INPPL1: variants seen among roughly 807,000 people sequenced by gnomAD.
INPPL1 encodes the protein inositol polyphosphate phosphatase like 1.
INPPL1 carries 91 observed loss-of-function variants against 139.3 expected under a neutral mutation model. The ratio of observed to expected loss-of-function variants is 0.65; its 90% confidence interval spans 0.55 to 0.78. INPPL1 has a LOEUF of 0.78. Among genes scored for constraint, INPPL1 ranks in the 30% least tolerant of loss-of-function variants. The probability of loss-of-function intolerance (pLI) is 0.00; values close to 1 mark genes in which losing one functional copy is unlikely to be tolerated. For synonymous variants in INPPL1, 719 were observed against 686.6 expected (o/e 1.05, Z -0.74); for missense variants, 1,411 against 1,665.6 (o/e 0.85, Z 2.66).
chr11:72,233,790 G>C, intron 19 of INPPL1, 46 bp downstream of exon 19: 4 of 1,515,912 alleles, frequency 2.6e-6, no homozygotes, highest in Non-Finnish European at 3.7e-6. Context: ...ATCTAGGTGG[G>C]CACAGGTGGT....
chr11:72,228,758 G>A lies in INPPL1; in HGVS notation c.429G>A (p.Pro143=), dbSNP rs1395743682. The A allele has an allele frequency of 1.6e-5, 25 of 1,610,124 alleles. No homozygotes were observed. The highest frequency in any genetic ancestry group is 2.2e-5 in the South Asian group (2 of 90,600). ...DGEDEKPPLP[P]RSGSTSISAP... ...AGGATGAGAAGCCCCCGCTGCCCCC[G>A]CGCTCTGGCTCCACCAGCATTTCTG... is the stretch of plus-strand genomic sequence containing the variant. Residue 143 remains proline, a synonymous_variant, in exon 4 of 28, where the codon CCG becomes CCA. Coordinates refer to ENST00000298229, the MANE Select transcript of INPPL1 (RefSeq NM_001567.4). The surrounding 1 kb of genome is among the most constrained non-coding windows in gnomAD (Gnocchi z 5.0).
rs375244484 is a variant in INPPL1 at position 72,237,252 on chromosome 11, C to T, written c.3008C>T (p.Ser1003Leu). The change falls in exon 26 of 28, where the codon TCG becomes TTG. Residue 1003 changes from serine to leucine, a missense_variant. Ser to Leu is a moderately radical substitution (Grantham distance 145). Around this residue, in one of 5 missense-constraint regions of INPPL1, gnomAD observed 438 missense variants for 425.7 expected, o/e 1.03. Coordinates refer to ENST00000298229, the MANE Select transcript of INPPL1 (RefSeq NM_001567.4). ...CAGCTGCTGCCCCCGGAGCCACCCT[C>T]GCCTGCCAGGGCCCCTGTCCCATCT... ...PHQLLPPEPP[S>L]PARAPVPSAT... is the part of the protein sequence containing the mutation. The T allele has an allele frequency of 1.9e-5, 31 of 1,614,026 alleles. No individual in the cohort carries two copies. The highest frequency in any genetic ancestry group is 1.8e-5 in the Non-Finnish European group (21 of 1,180,020).
At chr11:72,226,448 T>A (rs1042694958) in intron 1 of INPPL1, among the ~76,000 whole-genome samples, 1 of 152,108 alleles carries the variant, frequency 6.6e-6, no homozygotes, top group Non-Finnish European at 1.5e-5. Context: ...CTCAAAGTGC[T>A]AGGATTACAG....
intron 9 of INPPL1, 29 bp from the exon 10 acceptor site, chr11:72,230,333 G>A (rs760723861): frequency 6.2e-7 from 1 of 1,613,738 alleles, no homozygotes; most frequent in Admixed American, 1.7e-5. Flanking sequence ...AGGGGCACAG[G>A]CCCATGTGAC....
Position 72,230,800 on chromosome 11 carries a change from G to A in INPPL1, c.1202G>A (p.Arg401Gln), listed in dbSNP as rs1204907315. The A allele has an allele frequency of 9.3e-6, 15 of 1,613,776 alleles. No homozygotes were observed. The highest frequency in any genetic ancestry group is 4.5e-5 in the East Asian group (2 of 44,850). Residue 401 changes from arginine (R) to glutamine (Q), a missense_variant, in exon 11 of 28, where the codon CGG (arginine) becomes CAG (glutamine). By Grantham distance (43) the Arg-to-Gln change is conservative. Coordinates refer to ENST00000298229, the MANE Select transcript of INPPL1 (RefSeq NM_001567.4). ...GAGTGGCTGCTGTTCCCCCAGAAGC[G>A]GGAGGCCTTCTGCCAGCTGTTGCAG... The part of the protein sequence containing the change: ...KDFIFVSARK[R>Q]EAFCQLLQLM...
In INPPL1 at chr11:72,238,396, G is replaced by C. The variant is rs780216977; in HGVS notation, c.*43G>C. 7 of 1,479,850 alleles carry C rather than the reference G, an allele frequency of 4.7e-6. No individual in the cohort carries two copies. In the East Asian group the frequency reaches 1.7e-4, roughly 36 times the overall value. 91.7% of individuals were successfully genotyped at this position (1,479,850 alleles called of 1,614,324 possible). On this transcript the variant is annotated 3_prime_UTR_variant, in exon 28 of 28. Transcript: ENST00000298229. ...AGCTGTGAACTCAGAGCCCCTCCCT[G>C]CTACCAAGGCCCAGCTATGGCCCCA... is the stretch of plus-strand genomic sequence containing the variant.
chr11:72,229,161 T>C lies in INPPL1; in HGVS notation c.590T>C (p.Val197Ala). 6.2e-7 allele frequency: 1 copy of C among 1,613,858 alleles called. No individual in the cohort carries two copies. The highest frequency in any genetic ancestry group is 8.5e-7 in the Non-Finnish European group (1 of 1,179,920). ...AGCTATGGGCTGGACCTGGAAGCTG[T>C]GAGGGGTGGAGCCAGCCACCTGCCC... is the stretch of plus-strand genomic sequence containing the variant. The part of the protein sequence containing the change: ...KGSYGLDLEA[V>A]RGGASHLPHL... The change falls in exon 5 of 28, where the codon GTG becomes GCG. Residue 197 changes from valine to alanine, a missense_variant. Coordinates refer to ENST00000298229, the MANE Select transcript of INPPL1 (RefSeq NM_001567.4).
Position 72,234,914 on chromosome 11 carries a change from T to TA in INPPL1, c.2416-201dup, listed in dbSNP as rs989841847. Among the ~76,000 whole-genome samples, 3 of 151,702 alleles carry TA rather than the reference T, an allele frequency of 2.0e-5. No individual in the cohort carries two copies. Among genetic ancestry groups the TA allele is most frequent in the African/African-American group, 7.3e-5 (3 of 41,324 alleles). On this transcript the variant is annotated intron_variant, in intron 21 of 27. Transcript: ENST00000298229. This position sits in a 1 kb window ranked among gnomAD's most constrained non-coding sequence, Gnocchi z 4.2. ...TTAGCTATTGAGAAAATTAATTAGTTACAGTGATGCTAGGTGCTGTAAAAG... is the reference window on the plus strand; with the variant it reads ...TTAGCTATTGAGAAAATTAATTAGTTAACAGTGATGCTAGGTGCTGTAAAAG...
At chr11:72,232,437 T>C (rs1433828226) in intron 14 of INPPL1, 101 bp downstream of exon 14, 6 of 1,247,594 alleles carry the variant, frequency 4.8e-6, no homozygotes, top group Non-Finnish European at 6.8e-6. Context: ...CGCAGGCCTG[T>C]CTCCAGAGAC....
At chr11:72,231,341 T>A (rs1013668692) in intron 12 of INPPL1, 152 bp downstream of exon 12, 4 of 943,898 alleles carry the variant, frequency 4.2e-6, no homozygotes, top group African/African-American at 1.6e-5. Context: ...CCTGAGTCCT[T>A]CATGCCACGA....
Position 72,238,479 on chromosome 11 carries a change from T to C in INPPL1, c.*126T>C. 1 of 716,208 alleles carries C rather than the reference T, an allele frequency of 1.4e-6. No homozygotes were observed. Among genetic ancestry groups the C allele is most frequent in the Non-Finnish European group, 2.2e-6 (1 of 464,674 alleles). The allele number at this position is 716,208 out of a possible 1,614,324, so 44.4% of individuals were successfully genotyped here. A position where few individuals can be genotyped will look rare whatever the true frequency, so the allele number is the denominator to read the frequency against. On this transcript the variant is annotated 3_prime_UTR_variant, in exon 28 of 28. Transcript: ENST00000298229. ...CTCTCTGCCTATTTATTGGGGTGCC[T>C]ATTTATTGGGGATCTGCATTCCCCG...
At chr11:72,233,242 C>T in intron 17 of INPPL1, 79 bp downstream of exon 17, 1 of 1,296,414 alleles carries the variant, frequency 7.7e-7, no homozygotes. Context: ...GGGTATGGGC[C>T]TCTGCAGCTT....
At chr11:72,232,077 C>A (rs1040913360) in intron 13 of INPPL1, among the ~76,000 whole-genome samples, 163 bp from the exon 14 acceptor site, 4 of 152,184 alleles carry the variant, frequency 2.6e-5, no homozygotes, top group Non-Finnish European at 4.4e-5. Context: ...AGGACCCCCC[C>A]CTCCCCCAGG....
intron 13 of INPPL1, among the ~76,000 whole-genome samples, chr11:72,231,884 T>C (rs543303658): frequency 5.3e-5 from 8 of 152,074 alleles, no homozygotes; most frequent in Non-Finnish European, 1.2e-4. Context: ...AGCAAGTAAG[T>C]GGTGGAGCCA....
Position 72,235,615 on chromosome 11 carries a change from G to T in INPPL1, c.2660-60G>T. 1 of 1,599,350 alleles carries T rather than the reference G, an allele frequency of 6.3e-7. No individual in the cohort carries two copies. The highest frequency in any genetic ancestry group is 8.6e-7 in the Non-Finnish European group (1 of 1,168,754). On this transcript the variant is annotated intron_variant, in intron 23 of 27. Transcript: ENST00000298229. The surrounding 1 kb of genome is among the most constrained non-coding windows in gnomAD (Gnocchi z 4.9). ...CTGGGAAAGGGCTGGCAGGCCCACT[G>T]GGTGTCTGTGGGATCCAGGAGCCCA...
rs200602515 is a variant in INPPL1, at chr11:72,237,758, C to G, written c.3514C>G (p.Arg1172Gly). The change falls in exon 26 of 28, where the codon CGC (arginine) becomes GGC (glycine). Residue 1172 changes from arginine (R) to glycine (G), a missense_variant. By Grantham distance (125) the Arg-to-Gly change is moderately radical. Around this residue, in one of 5 missense-constraint regions of INPPL1, gnomAD observed 438 missense variants for 425.7 expected, o/e 1.03. Coordinates refer to ENST00000298229, the MANE Select transcript of INPPL1 (RefSeq NM_001567.4). ...YGRPLSFPPP[R>G]IRESIQEDLA... ...CCGGCCCCTCAGCTTCCCTCCACCC[C>G]GCATCCGGGAGAGCATCCAGGAAGA... 3 of 1,610,584 alleles carry G rather than the reference C, an allele frequency of 1.9e-6. No individual in the cohort carries two copies. The highest frequency in any genetic ancestry group is 2.7e-5 in the African/African-American group (2 of 74,982).
Position 72,225,008 on chromosome 11 carries a change from G to A in INPPL1, c.24G>A (p.Pro8=). 8.3e-7 allele frequency: 1 copy of A among 1,208,268 alleles called. No individual in the cohort carries two copies. 74.8% of individuals were successfully genotyped at this position (1,208,268 alleles called of 1,614,324 possible). A position where few individuals can be genotyped will look rare whatever the true frequency, so the allele number is the denominator to read the frequency against. The change falls in exon 1 of 28, where the codon CCG becomes CCA. Residue 8 remains proline (P), a synonymous_variant. Coordinates refer to ENST00000298229, the MANE Select transcript of INPPL1 (RefSeq NM_001567.4). MASACGA[P]GPGGALGSQA... is the part of the protein sequence containing the mutation. ...CCATGGCCTCGGCCTGCGGGGCGCC[G>A]GGCCCGGGGGGCGCCCTGGGCAGCC... is the stretch of plus-strand genomic sequence containing the variant.
In INPPL1 at chr11:72,233,605, G is replaced by A. The variant is rs761293219; in HGVS notation, c.2123-50G>A. ...GCCCTAACCTTGGGAGGTGGGAGCC[G>A]AGGGTGGGAATATTCCCCCTGAGTC... On this transcript the variant is annotated intron_variant, in intron 18 of 27. Transcript: ENST00000298229. 8.0e-5 allele frequency: 129 copies of A among 1,606,592 alleles called. 1 individual carries two copies. Among genetic ancestry groups the A allele is most frequent in the Admixed American group, 2.3e-4 (14 of 59,986 alleles).
Position 72,238,437 on chromosome 11 carries a change from G to A in INPPL1, c.*84G>A. On this transcript the variant is annotated 3_prime_UTR_variant, in exon 28 of 28. Transcript: ENST00000298229. ...TATGGCCCCAGGGTTGAAAAGTTAT[G>A]AGGGTCAGGGCAGTATCTCTCTGCC... The A allele has an allele frequency of 8.5e-7, 1 of 1,178,324 alleles. No homozygotes were observed. The highest frequency in any genetic ancestry group is 1.2e-6 in the Non-Finnish European group (1 of 849,802). The allele number at this position is 1,178,324 out of a possible 1,614,324, so 73.0% of individuals were successfully genotyped here. A position where few individuals can be genotyped will look rare whatever the true frequency, so the allele number is the denominator to read the frequency against.
Sources: allele counts gnomAD v4.1 joint callset (sites outside exome capture counted in the v4.1 genomes callset), GRCh38; gene constraint gnomAD v4.1.1; regional missense constraint gnomAD v4.1.1; non-coding constraint Gnocchi (gnomAD v3.1); transcripts MANE v1.5; gene names NCBI Gene and HGNC (gene_info 2026-07-23, HGNC 2026-07-21).